Variants in ZNF777 observed in about 807,000 individuals in gnomAD.
The protein encoded by ZNF777 is zinc finger protein 777.
A neutral mutation model predicts 72.1 loss-of-function variants in ZNF777; 7 were observed. That is an observed-to-expected ratio of 0.10 (90% CI 0.06 to 0.18). The LOEUF (loss-of-function observed/expected upper bound fraction) is 0.18, where lower values mean the gene tolerates loss of function less well. Among genes scored for constraint, ZNF777 ranks in the 10% least tolerant of loss-of-function variants. ZNF777 has a pLI of 1.00. For missense variants in ZNF777, 828 were observed against 1,128.6 expected (o/e 0.73, Z 3.82); for synonymous variants, 545 against 483.5 (o/e 1.13, Z -1.67).
At chr7:149,444,242 C>T (rs573234516) in intron 4 of ZNF777, among the ~76,000 whole-genome samples, 5 of 152,322 alleles carry the variant, frequency 3.3e-5, no homozygotes, top group East Asian at 1.9e-4. Context: ...AACCTTCTTG[C>T]TTTCCCTAGA....
rs181020527 is a variant in ZNF777, at chr7:149,436,615, G to A, written c.1299C>T (p.Ser433=). 2.4e-5 allele frequency: 39 copies of A among 1,611,642 alleles called. No individual in the cohort carries two copies. In the East Asian group the frequency reaches 2.9e-4, roughly 12 times the overall value. The change falls in exon 5 of 6, where the codon AGC becomes AGT. Residue 433 remains serine, a synonymous_variant. Transcript: ENST00000247930. The surrounding 1 kb of genome is among the most constrained non-coding windows in gnomAD (Gnocchi z 5.0). Reference sequence around the variant, plus strand: ...GCTGCACCAGCATCTGCTTCAGTTCGCTGAACTCGCTGGAGCCTTCCGTGG... The same window carrying A: ...GCTGCACCAGCATCTGCTTCAGTTCACTGAACTCGCTGGAGCCTTCCGTGG... The part of the protein sequence containing the change: ...EESTEGSSEF[S]ELKQMLVQQR...
At chr7:149,457,952 T>C (rs114666056) in intron 1 of ZNF777, among the ~76,000 whole-genome samples, 2,758 of 152,308 alleles carry the variant, frequency 0.018, 84 homozygotes, top group African/African-American at 0.063. Flanking sequence ...GCAGGCTACC[T>C]TGAGGCCTTA....
Position 149,432,541 on chromosome 7 carries a change from G to A in ZNF777, c.1731C>T (p.Ala577=), listed in dbSNP as rs1799333055. Residue 577 remains alanine (A), a synonymous_variant, in exon 6 of 6, where the codon GCC becomes GCT. Transcript: ENST00000247930. ...NHIKEGPYEC[A]ECEISFRHKQ... The stretch of plus-strand genomic sequence containing the variant: ...TGTGCCGGAAGCTGATCTCGCATTC[G>A]GCGCACTCGTAGGGCCCCTCCTTGA... 6.2e-7 allele frequency: 1 copy of A among 1,613,762 alleles called. No individual in the cohort carries two copies. The highest frequency in any genetic ancestry group is 8.5e-7 in the Non-Finnish European group (1 of 1,179,896).
intron 4 of ZNF777, among the ~76,000 whole-genome samples, chr7:149,442,877 A>T (rs1799548057): frequency 6.6e-6 from 1 of 152,174 alleles, no homozygotes; most frequent in Non-Finnish European, 1.5e-5. Flanking sequence ...TTTTCTACTT[A>T]TTACTTTGGC....
chr7:149,447,658 A>G (rs1799628509), intron 4 of ZNF777, among the ~76,000 whole-genome samples: 1 of 152,188 alleles, frequency 6.6e-6, no homozygotes, highest in African/African-American at 2.4e-5. Flanking sequence ...GTAGTCTCCT[A>G]GCTTCCAGAC....
At chr7:149,440,679 T>TTG (rs1326495921) in intron 4 of ZNF777, among the ~76,000 whole-genome samples, 1 of 143,618 alleles carries the variant, frequency 7.0e-6, no homozygotes, top group African/African-American at 2.9e-5. Flanking sequence ...TTTTGTTTTT[T>TTG]TTTTTTTTTT....
chr7:149,460,035 T>C lies in ZNF777; in HGVS notation c.-16+780A>G, dbSNP rs1799916215. 1 of 977,284 alleles carries C rather than the reference T, an allele frequency of 1.0e-6. No individual in the cohort carries two copies. The highest frequency in any genetic ancestry group is 1.2e-6 in the Non-Finnish European group (1 of 826,902). 60.5% of individuals were successfully genotyped at this position (977,284 alleles called of 1,614,324 possible). A position where few individuals can be genotyped will look rare whatever the true frequency, so the allele number is the denominator to read the frequency against. On this transcript the variant is annotated intron_variant, in intron 1 of 5. Transcript: ENST00000247930. This position sits in a 1 kb window ranked among gnomAD's most constrained non-coding sequence, Gnocchi z 6.1. ...GTAGCGTTTCTGCCCCTTACCGAGA[T>C]CCCAGGCCGGGCCGCCGAGCCCGGG... is the stretch of plus-strand genomic sequence containing the variant.
At chr7:149,457,173 T>C (rs1369723451) in intron 1 of ZNF777, among the ~76,000 whole-genome samples, 1 of 152,210 alleles carries the variant, frequency 6.6e-6, no homozygotes, top group Admixed American at 6.5e-5. Context: ...TCCTTGTTCC[T>C]CACCCTGCCA....
At chr7:149,438,289 C>T (rs1269017274) in intron 4 of ZNF777, among the ~76,000 whole-genome samples, 9 of 152,234 alleles carry the variant, frequency 5.9e-5, no homozygotes, top group African/African-American at 1.2e-4. Context: ...TGAGCCACCA[C>T]ACCTGGCTTC....
At position 149,432,744 on chromosome 7, in the gene ZNF777, T is replaced by C. The variant is rs1799340907; in HGVS notation, c.1528A>G (p.Asn510Asp). The part of the protein sequence containing the change: ...EESPPPLQLG[N>D]PAVKRLAPSV... ...GGCGCCAGCCTTTTCACTGCGGGGTTTCCTAGCTGCAGGGGCGGGGGGCTC... is the reference window on the plus strand; with the variant it reads ...GGCGCCAGCCTTTTCACTGCGGGGTCTCCTAGCTGCAGGGGCGGGGGGCTC... Residue 510 changes from asparagine (N) to aspartate (D), a missense_variant, in exon 6 of 6, where the codon AAC becomes GAC. Asn to Asp is a conservative substitution (Grantham distance 23). Coordinates refer to ENST00000247930, the MANE Select transcript of ZNF777 (RefSeq NM_015694.3). 1 of 1,611,520 alleles carries C rather than the reference T, an allele frequency of 6.2e-7. No homozygotes were observed. The highest frequency in any genetic ancestry group is 1.3e-5 in the African/African-American group (1 of 74,814).
At chr7:149,441,763 T>C (rs1224441594) in intron 4 of ZNF777, among the ~76,000 whole-genome samples, 1 of 152,230 alleles carries the variant, frequency 6.6e-6, no homozygotes, top group Non-Finnish European at 1.5e-5. Flanking sequence ...TTTTTAGACA[T>C]TTAGTTAAAA....
At chr7:149,444,921 C>T (rs1427519440) in intron 4 of ZNF777, among the ~76,000 whole-genome samples, 3 of 152,074 alleles carry the variant, frequency 2.0e-5, no homozygotes, top group Admixed American at 6.6e-5. Flanking sequence ...CTTTAATTGG[C>T]GGGACCTTTT....
At chr7:149,444,634 A>C (rs1016120183) in intron 4 of ZNF777, among the ~76,000 whole-genome samples, 1 of 152,258 alleles carries the variant, frequency 6.6e-6, no homozygotes, top group African/African-American at 2.4e-5. Flanking sequence ...ACTCATATTT[A>C]ATCGAAATAG....
At position 149,431,962 on chromosome 7, in the gene ZNF777, G is replaced by T; in HGVS notation, c.2310C>A (p.Arg770=). ...IRKHHLLEHR[R]IHTGERPYHC... ...GGTAGGGCCGCTCGCCTGTGTGGAT[G>T]CGCCGGTGTTCCAGGAGGTGGTGCT... is the stretch of plus-strand genomic sequence containing the variant. Residue 770 remains arginine (R), a synonymous_variant, in exon 6 of 6, where the codon CGC becomes CGA. Coordinates refer to ENST00000247930, the MANE Select transcript of ZNF777 (RefSeq NM_015694.3). The T allele has an allele frequency of 6.2e-7, 1 of 1,610,518 alleles. No homozygotes were observed.
intron 1 of ZNF777, among the ~76,000 whole-genome samples, chr7:149,456,783 A>C (rs1799841231): frequency 2.0e-5 from 3 of 152,190 alleles, no homozygotes; most frequent in South Asian, 4.1e-4. Flanking sequence ...TTGCAGACTC[A>C]TATCAATGAG....
chr7:149,457,106 G>C (rs959069567), intron 1 of ZNF777, among the ~76,000 whole-genome samples: 7 of 152,152 alleles, frequency 4.6e-5, no homozygotes, highest in African/African-American at 1.7e-4. Flanking sequence ...CAGATTTGGG[G>C]GGACTAGACC....
chr7:149,450,893 A>T, intron 4 of ZNF777, 106 bp downstream of exon 4: 1 of 1,000,630 alleles, frequency 1.0e-6, no homozygotes, highest in South Asian at 1.6e-5. Context: ...CTTCCTGCTA[A>T]CATATCCTGG....
rs1799922798 is a variant in ZNF777, at chr7:149,460,230, G to A, written c.-16+585C>T. On this transcript the variant is annotated intron_variant, in intron 1 of 5. Coordinates refer to ENST00000247930, the MANE Select transcript of ZNF777 (RefSeq NM_015694.3). This position sits in a 1 kb window ranked among gnomAD's most constrained non-coding sequence, Gnocchi z 6.1. ...ACTGCGCGCGGCCCCACGCAGGCCC[G>A]GCCGCCCGGCGCTCTCCGCAGGCGG... 1 of 377,566 alleles carries A rather than the reference G, an allele frequency of 2.6e-6. No individual in the cohort carries two copies. Among genetic ancestry groups the A allele is most frequent in the Non-Finnish European group, 3.6e-6 (1 of 277,556 alleles). The allele number at this position is 377,566 out of a possible 1,614,324, so 23.4% of individuals were successfully genotyped here.
In ZNF777 at chr7:149,455,834, G is replaced by C. The variant is rs375706188; in HGVS notation, c.189C>G (p.Pro63=). ...GCATCCGGCCAGAAGTCTCTTGCTT[G>C]GGAGCACTGGAAGTTTGGGGCAGGG... ...QGSLPQTSSA[P]KQETSGRMPH... is the part of the protein sequence containing the mutation. The change falls in exon 2 of 6, where the codon CCC becomes CCG. Residue 63 remains proline, a synonymous_variant. Transcript: ENST00000247930. This position sits in a 1 kb window ranked among gnomAD's most constrained non-coding sequence, Gnocchi z 4.2. 637 of 1,613,834 alleles carry C rather than the reference G, an allele frequency of 3.9e-4. No homozygotes were observed. Among genetic ancestry groups the C allele is most frequent in the Non-Finnish European group, 5.1e-4 (603 of 1,179,922 alleles).
Sources: gnomAD v4.1 joint callset for allele counts (sites outside exome capture counted in the v4.1 genomes callset) on GRCh38, gnomAD v4.1.1 for gene constraint, Gnocchi (gnomAD v3.1) non-coding constraint, MANE v1.5 for transcripts, NCBI Gene and HGNC (gene_info 2026-07-23, HGNC 2026-07-21) for gene names.